MTF1: variants seen among roughly 807,000 people sequenced by gnomAD.
MTF1 encodes MRE-binding transcription factor.
In MTF1, 22 loss-of-function variants were observed where a neutral mutation model predicts 70.4. That is an observed-to-expected ratio of 0.31 (90% confidence interval 0.22 to 0.45). MTF1 has a LOEUF of 0.45. Ranked by LOEUF, MTF1 falls within the 20% of genes least tolerant of loss-of-function variation. The pLI, the probability that MTF1 is intolerant of heterozygous loss-of-function variation, is 1.00. For synonymous variants in MTF1, 333 were observed against 352.8 expected (o/e 0.94, Z 0.63); for missense variants, 649 against 922.0 (o/e 0.70, Z 3.83).
At chr1:37,838,186 T>C (rs1191739970) in intron 4 of MTF1, among the ~76,000 whole-genome samples, 3 of 152,296 alleles carry the variant, frequency 2.0e-5, no homozygotes, top group Admixed American at 2.0e-4. Flanking sequence ...CCTCATTCCC[T>C]CCCTCCTTGA....
chr1:37,826,438 G>A, intron 7 of MTF1: 1 of 365,718 alleles, frequency 2.7e-6, no homozygotes, highest in Non-Finnish European at 5.4e-6. Context: ...ACGCCACCAT[G>A]CCTGGCTGCT....
chr1:37,856,170 C>CTTTTTTTT (rs869062644), intron 2 of MTF1, among the ~76,000 whole-genome samples: 39 of 74,196 alleles, frequency 5.3e-4, no homozygotes, highest in African/African-American at 6.7e-4. Context: ...CCTGAATTTC[C>CTTTTTTTT]TTTTTTTTTT....
chr1:37,825,514 G>A (rs1400025960), intron 7 of MTF1, among the ~76,000 whole-genome samples: 1 of 152,132 alleles, frequency 6.6e-6, no homozygotes, highest in East Asian at 1.9e-4. Flanking sequence ...TGGGATTATA[G>A]GTGTGAGCCA....
intron 7 of MTF1, among the ~76,000 whole-genome samples, chr1:37,831,648 C>G (rs532047974): frequency 6.6e-6 from 1 of 152,154 alleles, no homozygotes; most frequent in Non-Finnish European, 1.5e-5. Flanking sequence ...AATTTCCTAA[C>G]AGCTTGAATC....
chr1:37,824,925 C>G (rs1640978944), intron 7 of MTF1, among the ~76,000 whole-genome samples: 1 of 152,074 alleles, frequency 6.6e-6, no homozygotes, highest in East Asian at 1.9e-4. Context: ...ACACAATGTC[C>G]TGAGGGCCTG....
chr1:37,815,561 A>T lies in MTF1; in HGVS notation c.1837T>A (p.Ser613Thr). ...ACACTGAGGCCAATCTGCTGGACAG[A>T]GCTCCCTGCGAGAGAGGCAAGAGAG... ...AVPVASSPGS[S>T]VQQIGLSVPV... Residue 613 changes from serine to threonine, a missense_variant, in exon 11 of 11, where the codon TCT (serine) becomes ACT (threonine). Physicochemically the swap from Ser to Thr is moderately conservative, Grantham distance 58. Transcript: ENST00000373036. The surrounding 1 kb of genome is among the most constrained non-coding windows in gnomAD (Gnocchi z 4.5). 1 of 1,526,724 alleles carries T rather than the reference A, an allele frequency of 6.5e-7. No homozygotes were observed. Among genetic ancestry groups the T allele is most frequent in the Non-Finnish European group, 8.8e-7 (1 of 1,140,058 alleles). The allele number at this position is 1,526,724 out of a possible 1,614,324, so 94.6% of individuals were successfully genotyped here.
In MTF1 at chr1:37,857,578, G is replaced by A. The variant is rs1641517614; in HGVS notation, c.81C>T (p.Leu27=). 2 of 1,614,024 alleles carry A rather than the reference G, an allele frequency of 1.2e-6. No homozygotes were observed. Among genetic ancestry groups the A allele is most frequent in the Admixed American group, 1.7e-5 (1 of 59,986 alleles). Residue 27 remains leucine (L), a synonymous_variant, in exon 2 of 11, where the codon CTC becomes CTT. Coordinates refer to ENST00000373036, the MANE Select transcript of MTF1 (RefSeq NM_005955.3). Reference sequence around the variant, plus strand: ...CCAGTCCGTTTTTATCCACAAACCTGAGCATTTTATCATCGGGGGTCAGCT... The same window carrying A: ...CCAGTCCGTTTTTATCCACAAACCTAAGCATTTTATCATCGGGGGTCAGCT... ...EDELTPDDKM[L]RFVDKNGLVP...
At chr1:37,858,812 A>G (rs1365558084) in intron 1 of MTF1, among the ~76,000 whole-genome samples, 4 of 152,218 alleles carry the variant, frequency 2.6e-5, no homozygotes. Flanking sequence ...TGAAGCTTTC[A>G]TGTTCTGGAA....
Position 37,815,415 on chromosome 1 carries a change from C to G in MTF1, c.1983G>C (p.Pro661=), listed in dbSNP as rs778941239. 1.9e-6 allele frequency: 3 copies of G among 1,613,598 alleles called. No homozygotes were observed. The highest frequency in any genetic ancestry group is 2.5e-6 in the Non-Finnish European group (3 of 1,179,768). The stretch of plus-strand genomic sequence containing the variant: ...TGGGCCCATCAGGAGCCTGGGGGCT[C>G]GGCTCTGGAGGGGGTGGGGAGGAGC... ...KGCSSPPPPE[P]SPQAPDGPSL... The change falls in exon 11 of 11, where the codon CCG becomes CCC. Residue 661 remains proline, a synonymous_variant. Coordinates refer to ENST00000373036, the MANE Select transcript of MTF1 (RefSeq NM_005955.3). This position sits in a 1 kb window ranked among gnomAD's most constrained non-coding sequence, Gnocchi z 4.5.
chr1:37,810,487 G>C lies in MTF1; in HGVS notation c.*4649C>G, dbSNP rs536876709. ...CCCTCTCTTGAACAGGAGTAACAGT[G>C]AGAAATGCCCAGTGGTCGTCGGCTT... On this transcript the variant is annotated 3_prime_UTR_variant, in exon 11 of 11. Coordinates refer to ENST00000373036, the MANE Select transcript of MTF1 (RefSeq NM_005955.3). 53 of 152,300 alleles carry C rather than the reference G, an allele frequency of 3.5e-4. No individual in the cohort carries two copies. The highest frequency in any genetic ancestry group is 1.2e-3 in the African/African-American group (51 of 41,550). The allele number at this position is 152,300 out of a possible 1,614,324, so 9.4% of individuals were successfully genotyped here.
At chr1:37,851,609 C>T (rs1641419044) in intron 2 of MTF1, among the ~76,000 whole-genome samples, 1 of 152,150 alleles carries the variant, frequency 6.6e-6, no homozygotes. Context: ...TGTTTTCTTC[C>T]TTCTTAGCTG....
rs139601239 is a variant in MTF1 at position 37,811,027 on chromosome 1, C to A, written c.*4109G>T. 2.5e-4 allele frequency: 38 copies of A among 152,712 alleles called. No homozygotes were observed. The highest frequency in any genetic ancestry group is 9.1e-4 in the African/African-American group (38 of 41,546). The allele number at this position is 152,712 out of a possible 1,614,324, so 9.5% of individuals were successfully genotyped here. ...AGTTCCACAAATCAATGGTTTCAATCACTCTGGAAAAGTCTTTAAGGACAA... is the reference window on the plus strand; with the variant it reads ...AGTTCCACAAATCAATGGTTTCAATAACTCTGGAAAAGTCTTTAAGGACAA... On this transcript the variant is annotated 3_prime_UTR_variant, in exon 11 of 11. Coordinates refer to ENST00000373036, the MANE Select transcript of MTF1 (RefSeq NM_005955.3).
Position 37,815,204 on chromosome 1 carries a change from G to A in MTF1, c.2194C>T (p.Leu732=), listed in dbSNP as rs1346837227. 6.2e-7 allele frequency: 1 copy of A among 1,614,196 alleles called. No homozygotes were observed. The highest frequency in any genetic ancestry group is 8.5e-7 in the Non-Finnish European group (1 of 1,180,044). The change falls in exon 11 of 11, where the codon CTG becomes TTG. Residue 732 remains leucine, a synonymous_variant. Transcript: ENST00000373036. The surrounding 1 kb of genome is among the most constrained non-coding windows in gnomAD (Gnocchi z 4.5). The part of the protein sequence containing the change: ...SLQSLDTPSN[L]IPIEALLQGE... ...TGCAGTAGTGCTTCAATGGGAATCA[G>A]ATTGGACGGGGTGTCCAGGCTCTGG...
intron 9 of MTF1, among the ~76,000 whole-genome samples, chr1:37,819,951 CAAAAAAAA>C (rs766621404): frequency 2.4e-5 from 2 of 82,698 alleles, no homozygotes; most frequent in South Asian, 4.7e-4. Context: ...GACTCTGACT[CAAAAAAAA>C]AAAAAAAAAA....
At chr1:37,819,540 T>G (rs1640878419) in intron 9 of MTF1, among the ~76,000 whole-genome samples, 1 of 152,236 alleles carries the variant, frequency 6.6e-6, no homozygotes, top group Non-Finnish European at 1.5e-5. Context: ...TCTTGAAGTC[T>G]TATCTTGAGG....
At chr1:37,827,634 T>C (rs546942244) in intron 7 of MTF1, among the ~76,000 whole-genome samples, 1 of 152,014 alleles carries the variant, frequency 6.6e-6, no homozygotes, top group South Asian at 2.1e-4. Context: ...AGTGCTGGGA[T>C]TACAGGCGTG....
intron 9 of MTF1, among the ~76,000 whole-genome samples, chr1:37,820,367 C>T (rs1640892392): frequency 6.6e-6 from 1 of 152,234 alleles, no homozygotes; most frequent in Non-Finnish European, 1.5e-5. Flanking sequence ...GTCTGAACCC[C>T]TCAACGCAGT....
intron 2 of MTF1, among the ~76,000 whole-genome samples, chr1:37,844,312 A>G (rs1641300721): frequency 6.6e-6 from 1 of 152,164 alleles, no homozygotes; most frequent in Non-Finnish European, 1.5e-5. Context: ...TCTCCACTGG[A>G]AATGCCTAGT....
At chr1:37,835,600 C>G in intron 5 of MTF1, 71 bp downstream of exon 5, 1 of 1,122,164 alleles carries the variant, frequency 8.9e-7, no homozygotes, top group South Asian at 1.3e-5. Context: ...GTATATCCAC[C>G]TAGCTCTACA....
Sources: allele counts gnomAD v4.1 joint callset (sites outside exome capture counted in the v4.1 genomes callset), GRCh38; gene constraint gnomAD v4.1.1; non-coding constraint Gnocchi (gnomAD v3.1); transcripts MANE v1.5; gene names NCBI Gene and HGNC (gene_info 2026-07-23, HGNC 2026-07-21).